Variants in CFAP47 observed in about 807,000 individuals in gnomAD.
CFAP47 encodes cilia and flagella associated protein 47.
Under a neutral mutation model 148.1 loss-of-function variants are expected in CFAP47, and 29 were observed. The observed-to-expected ratio is 0.20, with a 90% CI of 0.15 to 0.27. CFAP47 has a LOEUF of 0.27. CFAP47 is among the 10% of genes least tolerant of loss of function. The probability of loss-of-function intolerance (pLI) is 1.00; values close to 1 mark genes in which losing one functional copy is unlikely to be tolerated. For synonymous variants in CFAP47, 664 were observed against 577.3 expected (o/e 1.15, Z -2.15); for missense variants, 1,872 against 1,697.5 (o/e 1.10, Z -1.81).
intron 22 of CFAP47, among the ~76,000 whole-genome samples, chrX:36,018,451 G>T (rs972250396): frequency 2.7e-5 from 3 of 111,798 alleles, no homozygotes; most frequent in Admixed American, 9.5e-5. Flanking sequence ...TTAGAGGAAG[G>T]CTTTCAGTTT....
intron 22 of CFAP47, among the ~76,000 whole-genome samples, chrX:36,018,560 G>T (rs1937123078): frequency 8.9e-6 from 1 of 111,897 alleles, no homozygotes; most frequent in Non-Finnish European, 1.9e-5. Flanking sequence ...AAAGGATGTT[G>T]AATTTTATCA....
intron 8 of CFAP47, among the ~76,000 whole-genome samples, chrX:35,958,203 T>A (rs1462910076): frequency 1.8e-5 from 2 of 112,025 alleles, no homozygotes; most frequent in Admixed American, 1.9e-4. Flanking sequence ...CATTGTAATA[T>A]GTATTAGTGC....
intron 39 of CFAP47, among the ~76,000 whole-genome samples, chrX:36,171,805 T>C (rs1939583904): frequency 9.0e-6 from 1 of 111,254 alleles, no homozygotes; most frequent in African/African-American, 3.3e-5. Flanking sequence ...CCTTATGAAC[T>C]TTAAAGTAGT....
At chrX:36,244,722 T>C (rs1446606250) in intron 48 of CFAP47, among the ~76,000 whole-genome samples, 1 of 110,970 alleles carries the variant, frequency 9.0e-6, no homozygotes, top group African/African-American at 3.3e-5. Context: ...GTTCCAAAAT[T>C]GAATCAGTAA....
At chrX:36,298,567 GAA>G (rs11441062) in intron 51 of CFAP47, among the ~76,000 whole-genome samples, 1 of 108,368 alleles carries the variant, frequency 9.2e-6, no homozygotes, top group African/African-American at 3.4e-5. Flanking sequence ...AATAATAAAA[GAA>G]AAAAAAATCT....
chrX:36,104,066 G>T (rs1938426190), intron 32 of CFAP47, among the ~76,000 whole-genome samples: 1 of 111,842 alleles, frequency 8.9e-6, no homozygotes, highest in African/African-American at 3.2e-5. Flanking sequence ...TCTTAAAACA[G>T]ACCTCTTAAA....
At chrX:36,342,169 A>G (rs782681440) in intron 57 of CFAP47, among the ~76,000 whole-genome samples, 2 of 111,741 alleles carry the variant, frequency 1.8e-5, no homozygotes, top group Non-Finnish European at 1.9e-5. Context: ...GTGTTTAACT[A>G]CTAGTAACAC....
At chrX:36,072,046 GT>G in intron 28 of CFAP47, 75 bp downstream of exon 28, 1 of 818,076 alleles carries the variant, frequency 1.2e-6, no homozygotes, top group Non-Finnish European at 1.7e-6. Context: ...TTAATTTAAG[GT>G]TAGGTTTTTA....
chrX:36,006,871 T>G (rs930922567), intron 21 of CFAP47, among the ~76,000 whole-genome samples: 1 of 112,102 alleles, frequency 8.9e-6, no homozygotes, highest in Non-Finnish European at 1.9e-5. Context: ...AAGCTTAAAT[T>G]TATTAAAATT....
chrX:36,112,375 G>A (rs919815950), intron 33 of CFAP47, among the ~76,000 whole-genome samples: 15 of 111,588 alleles, frequency 1.3e-4, no homozygotes, highest in African/African-American at 4.6e-4. Flanking sequence ...AAGTTATTCA[G>A]GATCAGGTTA....
At chrX:36,233,194 T>C (rs1483575451) in intron 46 of CFAP47, among the ~76,000 whole-genome samples, 3 of 111,394 alleles carry the variant, frequency 2.7e-5, no homozygotes, top group Non-Finnish European at 5.6e-5. Flanking sequence ...CTCGTAGATC[T>C]GTCTAATGTT....
chrX:36,336,509 T>C (rs1941608167), intron 57 of CFAP47, among the ~76,000 whole-genome samples: 1 of 111,316 alleles, frequency 9.0e-6, no homozygotes, highest in Non-Finnish European at 1.9e-5. Context: ...TTGGCTAATG[T>C]CCACTAGCAA....
chrX:35,972,156 ACCAC>A (rs1936503611), intron 13 of CFAP47, among the ~76,000 whole-genome samples, 191 bp downstream of exon 13: 1 of 112,115 alleles, frequency 8.9e-6, no homozygotes, highest in Admixed American at 9.5e-5. Flanking sequence ...AAGTTATATA[ACCAC>A]CTTCGCAATT....
At position 35,953,606 on chromosome X, in the gene CFAP47, G is replaced by A. The variant is rs2146644929; in HGVS notation, c.1061G>A (p.Gly354Asp). The change falls in exon 7 of 64, where the codon GGT becomes GAT. Residue 354 changes from glycine (G) to aspartate (D), a missense_variant. Transcript: ENST00000378653. Reference sequence around the variant, plus strand: ...TTTTTTTACAGGCTAATGGCTGTTGGTAAAAAGGATATTGGACCTTCATAC... The same window carrying A: ...TTTTTTTACAGGCTAATGGCTGTTGATAAAAAGGATATTGGACCTTCATAC... Reference protein sequence around the residue: ...FCFTPKLMAVGKKDIGPSYRQ... With the variant: ...FCFTPKLMAVDKKDIGPSYRQ... 8.4e-7 allele frequency: 1 copy of A among 1,188,855 alleles called. No homozygotes were observed. The highest frequency in any genetic ancestry group is 1.1e-6 in the Non-Finnish European group (1 of 883,415).
chrX:35,972,274 G>C (rs1427990516), intron 13 of CFAP47, among the ~76,000 whole-genome samples: 1 of 110,656 alleles, frequency 9.0e-6, no homozygotes, highest in Non-Finnish European at 1.9e-5. Context: ...CTGTTGCTTA[G>C]GCTGGAGTGC....
chrX:35,924,093 A>G (rs562402032), intron 1 of CFAP47, among the ~76,000 whole-genome samples: 50 of 84,819 alleles, frequency 5.9e-4, no homozygotes, highest in East Asian at 5.9e-3. Flanking sequence ...ATGTATGCGT[A>G]CATATATGTA....
chrX:36,375,169 A>C (rs1556022680), intron 62 of CFAP47: 1 of 307,507 alleles, frequency 3.3e-6, no homozygotes, highest in Non-Finnish European at 6.0e-6. Context: ...CAGCCAGGAC[A>C]TTCATGAGCA....
At chrX:36,001,532 A>G (rs765089713) in intron 20 of CFAP47, 81 bp from the exon 21 acceptor site, 16 of 274,087 alleles carry the variant, frequency 5.8e-5, no homozygotes, top group African/African-American at 4.2e-4. Flanking sequence ...TTTACTGAGC[A>G]TCTTCACATA....
intron 49 of CFAP47, among the ~76,000 whole-genome samples, chrX:36,274,569 C>G (rs1289606485): frequency 9.0e-6 from 1 of 111,563 alleles, no homozygotes; most frequent in Non-Finnish European, 1.9e-5. Context: ...ATTATTTAAG[C>G]CAAGCATATT....
Sources: allele counts gnomAD v4.1 joint callset (sites outside exome capture counted in the v4.1 genomes callset), GRCh38; gene constraint gnomAD v4.1.1; transcripts MANE v1.5; gene names NCBI Gene and HGNC (gene_info 2026-07-23, HGNC 2026-07-21).